AACS: variants seen among roughly 807,000 people sequenced by gnomAD.
AACS encodes the protein acetoacetate-CoA ligase.
A neutral mutation model predicts 83.1 loss-of-function variants in AACS; 69 were observed. The observed-to-expected ratio is 0.83, with a 90% CI of 0.68 to 1.01. The LOEUF is 1.01. Among genes scored for constraint, AACS ranks in the 50% least tolerant of loss-of-function variants. The probability of loss-of-function intolerance (pLI) is 0.00; values close to 1 mark genes in which losing one functional copy is unlikely to be tolerated. For synonymous variants in AACS, 333 were observed against 343.4 expected (o/e 0.97, Z 0.33); for missense variants, 866 against 882.2 (o/e 0.98, Z 0.23).
chr12:125,134,102 C>T, intron 15 of AACS, 30 bp downstream of exon 15: 1 of 1,608,960 alleles, frequency 6.2e-7, no homozygotes, highest in Non-Finnish European at 8.5e-7. Flanking sequence ...CTTCTCTTTC[C>T]TGGAGCCCCA....
intron 8 of AACS, among the ~76,000 whole-genome samples, chr12:125,112,466 G>A (rs1369694931): frequency 1.3e-5 from 2 of 152,028 alleles, no homozygotes; most frequent in African/African-American, 4.8e-5. Flanking sequence ...AGATCACAAG[G>A]TAAAGAGATC....
rs1384091514 is a variant in AACS at position 125,113,120 on chromosome 12, A to T, written c.916-1357A>T. 6.6e-6 allele frequency among the ~76,000 whole-genome samples: 1 copy of T among 152,072 alleles called. No individual in the cohort carries two copies. The highest frequency in any genetic ancestry group is 1.5e-5 in the Non-Finnish European group (1 of 68,022). Reference sequence around the variant, plus strand: ...GCTGGGTGGCGGTTGCCTGTTTGGGATGGACTCCGGAATAGGAGTTTTGGC... The same window carrying T: ...GCTGGGTGGCGGTTGCCTGTTTGGGTTGGACTCCGGAATAGGAGTTTTGGC... On this transcript the variant is annotated intron_variant, in intron 8 of 17. Coordinates refer to ENST00000316519, the MANE Select transcript of AACS (RefSeq NM_023928.5). This position sits in a 1 kb window ranked among gnomAD's most constrained non-coding sequence, Gnocchi z 4.8.
At chr12:125,091,916 C>T (rs1956494608) in intron 5 of AACS, among the ~76,000 whole-genome samples, 1 of 152,222 alleles carries the variant, frequency 6.6e-6, no homozygotes, top group East Asian at 1.9e-4. Flanking sequence ...CAGAAGTTCC[C>T]CAGGACCTCC....
chr12:125,110,265 G>A (rs1432393024), intron 8 of AACS, among the ~76,000 whole-genome samples: 1 of 150,048 alleles, frequency 6.7e-6, no homozygotes, highest in Non-Finnish European at 1.5e-5. Flanking sequence ...TAGAGACGGG[G>A]TTTCACTATG....
At chr12:125,123,320 C>G (rs1361124441) in intron 10 of AACS, 1 of 152,200 alleles carries the variant, frequency 6.6e-6, no homozygotes, top group Non-Finnish European at 1.5e-5. Context: ...GTGATACTTG[C>G]AAAGGAAGTG....
Position 125,102,747 on chromosome 12 carries a change from T to A in AACS, c.639T>A (p.Asn213Lys). Residue 213 changes from asparagine to lysine, a missense_variant, in exon 6 of 18, where the codon AAT becomes AAA. Physicochemically the swap from Asn to Lys is moderately conservative, Grantham distance 94. Transcript: ENST00000316519. ...LIFSVEAVVY[N>K]GKEHNHMEKL... ...TCTCTGTGGAGGCTGTTGTCTATAA[T>A]GGCAAAGAGCACAACCACATGGAAA... 3 of 1,614,176 alleles carry A rather than the reference T, an allele frequency of 1.9e-6. No individual in the cohort carries two copies. Among genetic ancestry groups the A allele is most frequent in the Non-Finnish European group, 8.5e-7 (1 of 1,180,018 alleles).
chr12:125,069,808 A>G (rs1955809612), intron 1 of AACS, among the ~76,000 whole-genome samples: 1 of 152,222 alleles, frequency 6.6e-6, no homozygotes, highest in Admixed American at 6.5e-5. Flanking sequence ...CCTGTTCTCA[A>G]ATAGCTCCGG....
chr12:125,131,737 T>C (rs1233300334), intron 14 of AACS, among the ~76,000 whole-genome samples: 1 of 152,120 alleles, frequency 6.6e-6, no homozygotes, highest in Non-Finnish European at 1.5e-5. Context: ...TAGCTGGGAT[T>C]ACAGGCGCGC....
At chr12:125,132,000 A>G (rs1230746165) in intron 14 of AACS, among the ~76,000 whole-genome samples, 3 of 152,252 alleles carry the variant, frequency 2.0e-5, no homozygotes, top group African/African-American at 4.8e-5. Flanking sequence ...CTGGTCTGCT[A>G]TCGGCAGTCA....
In AACS at chr12:125,142,148, A is replaced by G. The variant is rs1565960514; in HGVS notation, c.1938A>G (p.Lys646=). 1 of 1,614,124 alleles carries G rather than the reference A, an allele frequency of 6.2e-7. No homozygotes were observed. The highest frequency in any genetic ancestry group is 8.5e-7 in the Non-Finnish European group (1 of 1,180,024). ...CCGTCAAACAGATCATCGCTGGAAA[A>G]GCCGTGGAGCAAGGAGGTGCTTTCT... ...EVAVKQIIAG[K]AVEQGGAFSN... is the part of the protein sequence containing the mutation. The change falls in exon 18 of 18, where the codon AAA becomes AAG. Residue 646 remains lysine (K), a synonymous_variant. Coordinates refer to ENST00000316519, the MANE Select transcript of AACS (RefSeq NM_023928.5).
In AACS at chr12:125,077,307, G is replaced by A. The variant is rs1408752107; in HGVS notation, c.358+696G>A. Among the ~76,000 whole-genome samples, 6 of 151,822 alleles carry A rather than the reference G, an allele frequency of 4.0e-5. No homozygotes were observed. The East Asian group carries it at 9.7e-4, about 25-fold the overall frequency. Reference sequence around the variant, plus strand: ...GGGCGGATCACGAGGTCAGGAGATCGAGACTGTCCTGGCTAACATGGTGAA... The same window carrying A: ...GGGCGGATCACGAGGTCAGGAGATCAAGACTGTCCTGGCTAACATGGTGAA... On this transcript the variant is annotated intron_variant, in intron 3 of 17. Transcript: ENST00000316519.
intron 14 of AACS, among the ~76,000 whole-genome samples, chr12:125,133,485 G>A (rs1225590446): frequency 6.6e-6 from 1 of 152,198 alleles, no homozygotes; most frequent in East Asian, 1.9e-4. Context: ...CTGCTAATCG[G>A]CTCTCTGTCC....
chr12:125,134,651 C>G (rs981894554), intron 15 of AACS, 143 bp from the exon 16 acceptor site: 31 of 818,826 alleles, frequency 3.8e-5, no homozygotes, highest in Admixed American at 2.6e-4. Flanking sequence ...GGTGGTAGGG[C>G]AAGGAGCTGG....
Position 125,114,424 on chromosome 12 carries a change from C to A in AACS, c.916-53C>A, listed in dbSNP as rs1957013381. The A allele has an allele frequency of 2.0e-6, 3 of 1,512,852 alleles. No homozygotes were observed. The East Asian group carries it at 6.8e-5, about 34-fold the overall frequency. 93.7% of individuals were successfully genotyped at this position (1,512,852 alleles called of 1,614,324 possible). On this transcript the variant is annotated intron_variant, in intron 8 of 17. Transcript: ENST00000316519. ...AGCGCGTGGGCCAGGTACCAGATTC[C>A]TGGTACTGTATGCCTAACAGAGAGC...
intron 8 of AACS, among the ~76,000 whole-genome samples, chr12:125,111,656 T>C (rs899378549): frequency 2.6e-5 from 4 of 152,132 alleles, no homozygotes; most frequent in Non-Finnish European, 4.4e-5. Context: ...ATCTTCCCAA[T>C]TGAGTAGGGT....
At chr12:125,101,381 A>T (rs139666794) in intron 5 of AACS, 2 of 152,276 alleles carry the variant, frequency 1.3e-5, no homozygotes, top group Admixed American at 6.5e-5. Flanking sequence ...GACCAGAGAC[A>T]TGGGTGTGGT....
intron 10 of AACS, chr12:125,123,776 G>A (rs1308944807): frequency 3.9e-5 from 6 of 152,226 alleles, no homozygotes; most frequent in Admixed American, 1.3e-4. Flanking sequence ...AGAGAATAAC[G>A]TTCTTTAGTT....
chr12:125,102,821 G>C (rs750401418), intron 6 of AACS, 28 bp downstream of exon 6: 3 of 1,595,484 alleles, frequency 1.9e-6, no homozygotes, highest in East Asian at 4.5e-5. Flanking sequence ...CTCCCAGCCG[G>C]CATGGCTGGG....
chr12:125,078,070 C>T (rs1391337793), intron 3 of AACS: 2 of 448,340 alleles, frequency 4.5e-6, no homozygotes, highest in African/African-American at 4.0e-5. Context: ...ATAAAATACT[C>T]ATCAGAAACT....
Sources: gnomAD v4.1 joint callset for allele counts (sites outside exome capture counted in the v4.1 genomes callset) on GRCh38, gnomAD v4.1.1 for gene constraint, Gnocchi (gnomAD v3.1) non-coding constraint, MANE v1.5 for transcripts, NCBI Gene and HGNC (gene_info 2026-07-23, HGNC 2026-07-21) for gene names.